The following ANO3 variants were observed in gnomAD, a reference collection of about 807,000 sequenced individuals.
ANO3 encodes anoctamin-3.
In ANO3, 99 loss-of-function variants were observed where a neutral mutation model predicts 144.8. The ratio of observed to expected loss-of-function variants is 0.68; its 90% confidence interval spans 0.58 to 0.81. ANO3 has a LOEUF of 0.81. Among genes scored for constraint, ANO3 ranks in the 30% least tolerant of loss-of-function variants. The pLI, the probability that ANO3 is intolerant of heterozygous loss-of-function variation, is 0.00. For synonymous variants in ANO3, 414 were observed against 392.6 expected, an observed-to-expected ratio of 1.05 and a Z score of -0.64; for missense variants, 905 against 1,202.2, an observed-to-expected ratio of 0.75 and a Z score of 3.66.
At chr11:26,308,760 G>A (rs374917727), upstream of ANO3, among the ~76,000 whole-genome samples, 84 of 152,312 alleles carry the variant, frequency 5.5e-4, 1 homozygote, top group Middle Eastern at 3.4e-3. Context: ...GGGAGGCAGA[G>A]AAATAAAGGA....
chr11:26,567,891 C>T lies in ANO3; in HGVS notation c.1447+8112C>T, dbSNP rs12295109. Among the ~76,000 whole-genome samples, 781 of 151,992 alleles carry T rather than the reference C, an allele frequency of 5.1e-3. 8 individuals carry two copies. Among genetic ancestry groups the T allele is most frequent in the African/African-American group, 0.017 (724 of 41,502 alleles). On this transcript the variant is annotated intron_variant, in intron 14 of 26. Coordinates refer to ENST00000256737, the MANE Select transcript of ANO3 (RefSeq NM_031418.4). The stretch of plus-strand genomic sequence containing the variant: ...CACAAACATAATGCACTGCTTGAAA[C>T]ACCAGTTGTATTGTGTGATTTCATG...
chr11:26,371,462 TG>T (rs1856253910), intron 1 of ANO3, among the ~76,000 whole-genome samples: 1 of 152,218 alleles, frequency 6.6e-6, no homozygotes, highest in Non-Finnish European at 1.5e-5. Context: ...AGAGTCCCAC[TG>T]GGGAAAGCCT....
chr11:26,443,863 C>G (rs191174546), intron 3 of ANO3, 27 bp downstream of exon 3: 7 of 1,460,436 alleles, frequency 4.8e-6, no homozygotes, highest in Admixed American at 1.8e-5. Flanking sequence ...TATTTACCTA[C>G]TCCTTTCCCT....
chr11:26,516,913 C>A lies in ANO3; in HGVS notation c.678C>A (p.Ile226=). 1 of 1,605,320 alleles carries A rather than the reference C, an allele frequency of 6.2e-7. No homozygotes were observed. Among genetic ancestry groups the A allele is most frequent in the Non-Finnish European group, 8.5e-7 (1 of 1,173,324 alleles). ...GCAAGTATGCAGAGAGGCTGAATAT[C>A]AGGATGCCCTTCAGGTACTTTCAAA... ...TLCKYAERLN[I]RMPFRKKCYY... is the part of the protein sequence containing the mutation. The change falls in exon 6 of 27, where the codon ATC becomes ATA. Residue 226 remains isoleucine, a synonymous_variant. Coordinates refer to ENST00000256737, the MANE Select transcript of ANO3 (RefSeq NM_031418.4).
At chr11:26,602,222 T>A (rs2132938925) in intron 17 of ANO3, among the ~76,000 whole-genome samples, 1 of 152,266 alleles carries the variant, frequency 6.6e-6, no homozygotes, top group South Asian at 2.1e-4. Flanking sequence ...ATGGGAAGTG[T>A]CTGTGAAGCA....
At chr11:26,640,227 T>G (rs1395102460) in intron 21 of ANO3, among the ~76,000 whole-genome samples, 1 of 152,184 alleles carries the variant, frequency 6.6e-6, no homozygotes, top group Non-Finnish European at 1.5e-5. Context: ...TGACATCTCT[T>G]AGGCTTTTTT....
chr11:26,241,573 T>G (rs1246506242), intron 1 of ANO3, among the ~76,000 whole-genome samples: 4 of 152,188 alleles, frequency 2.6e-5, no homozygotes, highest in Non-Finnish European at 5.9e-5. Context: ...TTAAAGAAAT[T>G]ACTGTTTAGT....
chr11:26,549,709 C>T (rs1173638572), intron 12 of ANO3, among the ~76,000 whole-genome samples: 1 of 151,666 alleles, frequency 6.6e-6, no homozygotes, highest in Non-Finnish European at 1.5e-5. Context: ...TCAAATATGG[C>T]CATATCTGTG....
chr11:26,253,784 A>G (rs1852993072), intron 1 of ANO3, among the ~76,000 whole-genome samples: 1 of 152,068 alleles, frequency 6.6e-6, no homozygotes, highest in Non-Finnish European at 1.5e-5. Flanking sequence ...TTATTATGCC[A>G]CCCCACCTCA....
At chr11:26,501,830 A>AT (rs1171193489) in intron 4 of ANO3, among the ~76,000 whole-genome samples, 3 of 152,170 alleles carry the variant, frequency 2.0e-5, no homozygotes, top group African/African-American at 7.2e-5. Context: ...CCACAGAGCA[A>AT]TGAGGAAAGA....
chr11:26,393,197 T>C (rs546345811), intron 1 of ANO3, among the ~76,000 whole-genome samples: 1 of 152,256 alleles, frequency 6.6e-6, no homozygotes, highest in South Asian at 2.1e-4. Flanking sequence ...GATCATACTT[T>C]GCCACATTTT....
intron 4 of ANO3, among the ~76,000 whole-genome samples, chr11:26,505,764 A>T (rs887176558): frequency 2.6e-5 from 4 of 152,082 alleles, no homozygotes; most frequent in Non-Finnish European, 5.9e-5. Flanking sequence ...CGAGGCCAGG[A>T]GATCGAGACC....
chr11:26,638,851 C>T (rs1319173673), intron 20 of ANO3, among the ~76,000 whole-genome samples: 1 of 152,124 alleles, frequency 6.6e-6, no homozygotes, highest in Non-Finnish European at 1.5e-5. Context: ...TATTCCATAG[C>T]ATTCATTAAA....
intron 1 of ANO3, among the ~76,000 whole-genome samples, chr11:26,429,350 CA>C (rs947840626): frequency 2.7e-5 from 4 of 150,686 alleles, no homozygotes; most frequent in African/African-American, 9.8e-5. Context: ...AAGCTAATAC[CA>C]AACAGTAGAA....
At chr11:26,598,767 G>A (rs1851710992) in intron 15 of ANO3, 91 bp from the exon 16 acceptor site, 1 of 1,335,696 alleles carries the variant, frequency 7.5e-7, no homozygotes, top group East Asian at 2.5e-5. Context: ...TACAAAAGTA[G>A]GCCAAATTTA....
intron 1 of ANO3, among the ~76,000 whole-genome samples, chr11:26,256,238 G>A (rs1282660710): frequency 6.6e-6 from 1 of 152,098 alleles, no homozygotes; most frequent in East Asian, 1.9e-4. Context: ...ATATGAAACT[G>A]TATCATGTAT....
chr11:26,400,389 G>C (rs1036135061), intron 1 of ANO3, among the ~76,000 whole-genome samples: 2 of 151,900 alleles, frequency 1.3e-5, no homozygotes, highest in Non-Finnish European at 2.9e-5. Flanking sequence ...TGATCATCTA[G>C]AACAATTCCC....
At position 26,595,457 on chromosome 11, in the gene ANO3, G is replaced by GTTT. The variant is rs1411703035; in HGVS notation, c.1448-2906_1448-2905insTTT. On this transcript the variant is annotated intron_variant, in intron 14 of 26. Coordinates refer to ENST00000256737, the MANE Select transcript of ANO3 (RefSeq NM_031418.4). The stretch of plus-strand genomic sequence containing the variant: ...ACTTTTGACTCAGTATTGAGATAGA[G>GTTT]TTGTTTTTTTTTTTTTTTTTTTTTT... 2.4e-3 allele frequency among the ~76,000 whole-genome samples: 162 copies of GTTT among 67,796 alleles called. 5 individuals carry two copies. Among genetic ancestry groups the GTTT allele is most frequent in the East Asian group, 0.019 (45 of 2,390 alleles). The allele number at this position is 67,796 out of a possible 152,430, so 44.5% of individuals were successfully genotyped here.
intron 1 of ANO3, among the ~76,000 whole-genome samples, chr11:26,430,012 G>C (rs986646742): frequency 1.3e-5 from 2 of 152,054 alleles, no homozygotes; most frequent in African/African-American, 4.8e-5. Context: ...CCAAAGCGGG[G>C]AGATCTCCTG....
Sources: allele counts gnomAD v4.1 joint callset (sites outside exome capture counted in the v4.1 genomes callset), GRCh38; gene constraint gnomAD v4.1.1; transcripts MANE v1.5; gene names NCBI Gene and HGNC (gene_info 2026-07-23, HGNC 2026-07-21).